The following ZNF507 variants were observed in gnomAD, a reference collection of about 807,000 sequenced individuals.
ZNF507 encodes zinc finger protein 507.
Under a neutral mutation model 80.0 loss-of-function variants are expected in ZNF507, and 29 were observed. The ratio of observed to expected loss-of-function variants is 0.36; its 90% CI spans 0.27 to 0.49. ZNF507 has a LOEUF of 0.49. Among genes scored for constraint, ZNF507 ranks in the 20% least tolerant of loss-of-function variants. ZNF507 has a pLI of 0.98. For synonymous variants in ZNF507, 462 were observed against 422.5 expected (o/e 1.09, Z -1.15); for missense variants, 1,081 against 1,152.2 (o/e 0.94, Z 0.90).
intron 5 of ZNF507, among the ~76,000 whole-genome samples, chr19:32,364,797 G>T (rs983024597): frequency 7.9e-5 from 12 of 152,142 alleles, no homozygotes; most frequent in Non-Finnish European, 1.6e-4. Context: ...CTATAAACTT[G>T]CGCGTGCAAG....
intron 4 of ZNF507, 108 bp from the exon 5 acceptor site, chr19:32,360,396 A>G (rs1967305703): frequency 1.3e-5 from 7 of 525,592 alleles, no homozygotes; most frequent in South Asian, 4.7e-5. Context: ...CGTGATTGAA[A>G]TATTAATACA....
At chr19:32,374,409 G>T (rs1244370238) in intron 5 of ZNF507, among the ~76,000 whole-genome samples, 2 of 150,712 alleles carry the variant, frequency 1.3e-5, no homozygotes, top group African/African-American at 4.9e-5. Context: ...GATTGTTAAG[G>T]TATATCATTA....
Position 32,369,029 on chromosome 19 carries a change from C to T in ZNF507, c.2360+8411C>T, listed in dbSNP as rs543495668. On this transcript the variant is annotated intron_variant, in intron 5 of 6. Transcript: ENST00000355898. The stretch of plus-strand genomic sequence containing the variant: ...CCTTATCTCCTTGGGGTTCTGAGAC[C>T]GAAGTAACTGACTTAGTAACAGTTG... Among the ~76,000 whole-genome samples the T allele has an allele frequency of 2.6e-5, 4 of 152,198 alleles. No homozygotes were observed. In the South Asian group the frequency reaches 6.2e-4, roughly 24 times the overall value.
chr19:32,366,287 A>C (rs928421153), intron 5 of ZNF507, among the ~76,000 whole-genome samples: 2 of 152,196 alleles, frequency 1.3e-5, no homozygotes, highest in Non-Finnish European at 2.9e-5. Context: ...CTGATGAATA[A>C]TCACAAATTA....
chr19:32,345,989 G>C (rs1282485052), intron 1 of ZNF507, among the ~76,000 whole-genome samples: 1 of 152,236 alleles, frequency 6.6e-6, no homozygotes, highest in Non-Finnish European at 1.5e-5. Context: ...CCCTGCAGCT[G>C]GGGGTGGGGG....
chr19:32,349,338 G>A (rs1967133499), intron 2 of ZNF507, among the ~76,000 whole-genome samples: 1 of 152,174 alleles, frequency 6.6e-6, no homozygotes, highest in African/African-American at 2.4e-5. Context: ...GAGCCTAGAG[G>A]GCAAATGGAT....
chr19:32,359,859 A>G (rs1967298657), intron 4 of ZNF507: 1 of 152,188 alleles, frequency 6.6e-6, no homozygotes, highest in African/African-American at 2.4e-5. Flanking sequence ...TAAACAAAGA[A>G]AATGCACTGG....
At chr19:32,361,734 C>T (rs1252245195) in intron 5 of ZNF507, among the ~76,000 whole-genome samples, 2 of 134,674 alleles carry the variant, frequency 1.5e-5, no homozygotes, top group African/African-American at 5.5e-5. Flanking sequence ...TCCTTTCCTT[C>T]CTTTCCTTTC....
chr19:32,364,437 C>G (rs780203724), intron 5 of ZNF507, among the ~76,000 whole-genome samples: 2 of 152,050 alleles, frequency 1.3e-5, no homozygotes, highest in African/African-American at 4.8e-5. Context: ...ATCCATCACC[C>G]GAGCAGTATA....
chr19:32,346,511 C>T (rs1057449546), intron 1 of ZNF507, among the ~76,000 whole-genome samples: 1 of 152,220 alleles, frequency 6.6e-6, no homozygotes, highest in Admixed American at 6.5e-5. Context: ...TTTGCACTTT[C>T]TCCAGTACTC....
rs141581136 is a variant in ZNF507, at chr19:32,353,556, C to T, written c.726C>T (p.Tyr242=). ...TGGGTAGGAGGAAATGGTATGCATACGAACAGTACGGCATGTATCGATGCT... is the reference window on the plus strand; with the variant it reads ...TGGGTAGGAGGAAATGGTATGCATATGAACAGTACGGCATGTATCGATGCT... The part of the protein sequence containing the change: ...AEMGRRKWYA[Y]EQYGMYRCLF... Residue 242 remains tyrosine, a synonymous_variant, in exon 3 of 7, where the codon TAC becomes TAT. Transcript: ENST00000355898. The T allele has an allele frequency of 5.9e-5, 95 of 1,614,134 alleles. No homozygotes were observed. The highest frequency in any genetic ancestry group is 4.9e-4 in the African/African-American group (37 of 75,012).
intron 4 of ZNF507, chr19:32,358,825 C>G (rs1967285165): frequency 6.6e-6 from 1 of 152,122 alleles, no homozygotes; most frequent in Non-Finnish European, 1.5e-5. Context: ...CTAAACTATG[C>G]TGTGAGGTTC....
At chr19:32,368,865 A>T (rs1406228109) in intron 5 of ZNF507, among the ~76,000 whole-genome samples, 1 of 152,188 alleles carries the variant, frequency 6.6e-6, no homozygotes, top group Non-Finnish European at 1.5e-5. Context: ...ATCGTTGTTT[A>T]TGTGTTCAAA....
intron 5 of ZNF507, among the ~76,000 whole-genome samples, chr19:32,369,170 T>A (rs556964427): frequency 6.6e-6 from 1 of 152,326 alleles, no homozygotes; most frequent in Non-Finnish European, 1.5e-5. Context: ...TGGGAAGAAA[T>A]CATTTTTTAT....
intron 5 of ZNF507, among the ~76,000 whole-genome samples, chr19:32,374,474 CTT>C (rs58648987): frequency 1.4e-5 from 2 of 138,150 alleles, no homozygotes; most frequent in Admixed American, 7.3e-5. Context: ...GCTTTTCTTT[CTT>C]TTTTTTTTTT....
chr19:32,380,456 A>G (rs1967609056), intron 5 of ZNF507, among the ~76,000 whole-genome samples: 1 of 152,208 alleles, frequency 6.6e-6, no homozygotes, highest in African/African-American at 2.4e-5. Flanking sequence ...TGTATGATAA[A>G]AGAATACAGC....
intron 5 of ZNF507, among the ~76,000 whole-genome samples, chr19:32,361,335 C>G (rs1357063712): frequency 6.6e-6 from 1 of 152,056 alleles, no homozygotes; most frequent in African/African-American, 2.4e-5. Context: ...GAACTTTCAC[C>G]CCCTTGTCAA....
intron 5 of ZNF507, among the ~76,000 whole-genome samples, chr19:32,367,539 A>G (rs1056856122): frequency 6.6e-6 from 1 of 152,200 alleles, no homozygotes; most frequent in East Asian, 1.9e-4. Context: ...AGTCAAATGT[A>G]TTAATCTTTT....
chr19:32,360,659 A>G lies in ZNF507; in HGVS notation c.2360+41A>G, dbSNP rs374972705. On this transcript the variant is annotated intron_variant, in intron 5 of 6. Coordinates refer to ENST00000355898, the MANE Select transcript of ZNF507 (RefSeq NM_001136156.2). ...CTAGAATTTTAATGTTTGTATTAAAATATTTTATATTAAAGAAATAAAATG... is the reference window on the plus strand; with the variant it reads ...CTAGAATTTTAATGTTTGTATTAAAGTATTTTATATTAAAGAAATAAAATG... The G allele has an allele frequency of 5.5e-6, 6 of 1,083,028 alleles. No individual in the cohort carries two copies. The African/African-American group carries it at 6.5e-5, about 12-fold the overall frequency. The allele number at this position is 1,083,028 out of a possible 1,614,324, so 67.1% of individuals were successfully genotyped here.
Sources: gnomAD v4.1 joint callset for allele counts (sites outside exome capture counted in the v4.1 genomes callset) on GRCh38, gnomAD v4.1.1 for gene constraint, MANE v1.5 for transcripts, NCBI Gene and HGNC (gene_info 2026-07-23, HGNC 2026-07-21) for gene names.